Variants in PSMD12 observed in about 807,000 individuals in gnomAD.
PSMD12 encodes proteasome 26S subunit, non-ATPase 12.
A neutral mutation model predicts 62.9 loss-of-function variants in PSMD12; 8 were observed. That is an observed-to-expected ratio of 0.13 (90% CI 0.07 to 0.23). The LOEUF (loss-of-function observed/expected upper bound fraction) is 0.23, where lower values mean the gene tolerates loss of function less well. Among genes scored for constraint, PSMD12 ranks in the 10% least tolerant of loss-of-function variants. The pLI, the probability that PSMD12 is intolerant of heterozygous loss-of-function variation, is 1.00. For missense variants in PSMD12, 424 were observed against 550.2 expected, an observed-to-expected ratio of 0.77 and a Z score of 2.29; for synonymous variants, 173 against 187.4, an observed-to-expected ratio of 0.92 and a Z score of 0.63.
At chr17:67,363,973 C>T (rs1381963366) in intron 1 of PSMD12, among the ~76,000 whole-genome samples, 2 of 152,010 alleles carry the variant, frequency 1.3e-5, no homozygotes, top group South Asian at 2.1e-4. Flanking sequence ...CGCTTGAAAC[C>T]GGGAGGTGGA....
intron 1 of PSMD12, among the ~76,000 whole-genome samples, chr17:67,361,600 A>G (rs2042128306): frequency 6.6e-6 from 1 of 152,108 alleles, no homozygotes; most frequent in Admixed American, 6.6e-5. Flanking sequence ...GTCACCACAA[A>G]TAGTTGAAAT....
intron 4 of PSMD12, among the ~76,000 whole-genome samples, chr17:67,349,211 G>GT (rs1328687756): frequency 2.0e-5 from 3 of 152,118 alleles, no homozygotes; most frequent in Non-Finnish European, 2.9e-5. Context: ...TAGAGAGGGT[G>GT]TTTCTCCATG....
chr17:67,347,551 AAT>A, intron 5 of PSMD12, 66 bp from the exon 6 acceptor site: 1 of 1,424,914 alleles, frequency 7.0e-7, no homozygotes, highest in Non-Finnish European at 9.5e-7. Context: ...AATAAAATGA[AAT>A]AGATATTAAA....
intron 3 of PSMD12, among the ~76,000 whole-genome samples, chr17:67,352,450 A>ATTAT (rs1462479683): frequency 1.3e-5 from 2 of 152,196 alleles, no homozygotes; most frequent in Non-Finnish European, 2.9e-5. Flanking sequence ...TCTTTCAATA[A>ATTAT]GTTCAAGGCC....
chr17:67,348,676 A>C (rs767815766), intron 4 of PSMD12, 22 bp from the exon 5 acceptor site: 108 of 1,591,400 alleles, frequency 6.8e-5, no homozygotes, highest in Middle Eastern at 1.7e-4. Flanking sequence ...AAATTTACAC[A>C]ATCAAAATTC....
chr17:67,356,589 A>T (rs2042076706), intron 3 of PSMD12, among the ~76,000 whole-genome samples: 1 of 148,102 alleles, frequency 6.8e-6, no homozygotes, highest in Admixed American at 6.7e-5. Context: ...AAAAAAAAGA[A>T]AATGAAATAT....
chr17:67,358,567 CAA>C (rs398039153), intron 1 of PSMD12, among the ~76,000 whole-genome samples: 253 of 74,044 alleles, frequency 3.4e-3, no homozygotes, highest in East Asian at 9.2e-3. Flanking sequence ...GAACCTGTCT[CAA>C]AAAAAAAAAA....
At chr17:67,344,905 A>C (rs901851618) in intron 8 of PSMD12, 125 bp from the exon 9 acceptor site, 3 of 770,086 alleles carry the variant, frequency 3.9e-6, no homozygotes, top group Non-Finnish European at 6.0e-6. Flanking sequence ...AGAATGAGAC[A>C]CCATATGATT....
chr17:67,361,762 C>A (rs2042129909), intron 1 of PSMD12, among the ~76,000 whole-genome samples: 1 of 150,490 alleles, frequency 6.6e-6, no homozygotes. Context: ...CTGAAGGTGA[C>A]CAAAAGAAAT....
At chr17:67,361,745 T>C (rs1474505709) in intron 1 of PSMD12, among the ~76,000 whole-genome samples, 1 of 151,630 alleles carries the variant, frequency 6.6e-6, no homozygotes, top group East Asian at 1.9e-4. Flanking sequence ...ACATTAACCA[T>C]AAGAGGCTGA....
intron 3 of PSMD12, among the ~76,000 whole-genome samples, chr17:67,353,988 G>A (rs886429114): frequency 5.3e-5 from 8 of 150,470 alleles, no homozygotes; most frequent in African/African-American, 2.0e-4. Context: ...TGTTAAAGAT[G>A]TGCTATGATT....
chr17:67,346,339 G>A (rs2041966078), intron 7 of PSMD12, among the ~76,000 whole-genome samples: 2 of 151,622 alleles, frequency 1.3e-5, no homozygotes, highest in African/African-American at 4.8e-5. Flanking sequence ...AGCTTGCAGT[G>A]AGCCGAGATT....
Position 67,344,694 on chromosome 17 carries a change from G to C in PSMD12, c.995C>G (p.Ser332Cys). Residue 332 changes from serine to cysteine, a missense_variant, in exon 9 of 11, where the codon TCC (serine) becomes TGC (cysteine). Coordinates refer to ENST00000356126, the MANE Select transcript of PSMD12 (RefSeq NM_002816.5). ...AACATCCGTTGCAGGACTCTCAAGG[G>C]AACCTTTTCTTAATTCCATTCCATA... ...EDYGMELRKG[S>C]LESPATDVFG... 2.5e-6 allele frequency: 4 copies of C among 1,613,762 alleles called. No individual in the cohort carries two copies. Among genetic ancestry groups the C allele is most frequent in the Non-Finnish European group, 3.4e-6 (4 of 1,179,792 alleles).
rs192403932 is a variant in PSMD12 at position 67,338,564 on chromosome 17, G to A, written c.*2279C>T. The A allele has an allele frequency of 2.0e-5, 3 of 152,314 alleles. No homozygotes were observed. The highest frequency in any genetic ancestry group is 4.4e-5 in the Non-Finnish European group (3 of 68,050). The allele number at this position is 152,314 out of a possible 1,614,324, so 9.4% of individuals were successfully genotyped here. On this transcript the variant is annotated 3_prime_UTR_variant, in exon 11 of 11. Coordinates refer to ENST00000356126, the MANE Select transcript of PSMD12 (RefSeq NM_002816.5). ...AGCCTAGTGTGTGTTAAAGAAAGACGAAAGAGGAGTTGGGTGCAGTGGCTC... is the reference window on the plus strand; with the variant it reads ...AGCCTAGTGTGTGTTAAAGAAAGACAAAAGAGGAGTTGGGTGCAGTGGCTC...
intron 3 of PSMD12, among the ~76,000 whole-genome samples, chr17:67,356,008 A>ACG (rs1037348793): frequency 8.3e-6 from 1 of 120,788 alleles, no homozygotes; most frequent in Non-Finnish European, 1.8e-5. Context: ...ACACACACAC[A>ACG]CGCACACACA....
intron 4 of PSMD12, among the ~76,000 whole-genome samples, chr17:67,349,852 A>G (rs1186863602): frequency 6.6e-6 from 1 of 152,216 alleles, no homozygotes; most frequent in African/African-American, 2.4e-5. Context: ...CAAACCAATT[A>G]CAGCTTCCTA....
rs1160352911 is a variant in PSMD12, at chr17:67,338,819, T to A, written c.*2024A>T. 1.3e-5 allele frequency: 2 copies of A among 151,892 alleles called. No individual in the cohort carries two copies. Among genetic ancestry groups the A allele is most frequent in the Non-Finnish European group, 2.9e-5 (2 of 68,018 alleles). The allele number at this position is 151,892 out of a possible 1,614,324, so 9.4% of individuals were successfully genotyped here. On this transcript the variant is annotated 3_prime_UTR_variant, in exon 11 of 11. Coordinates refer to ENST00000356126, the MANE Select transcript of PSMD12 (RefSeq NM_002816.5). ...GTGAGCCGAGATCGTGACACTGCAATCCAGCCTGGGCAACAAGAGTGAAAC... is the reference window on the plus strand; with the variant it reads ...GTGAGCCGAGATCGTGACACTGCAAACCAGCCTGGGCAACAAGAGTGAAAC...
intron 1 of PSMD12, among the ~76,000 whole-genome samples, chr17:67,359,688 C>G (rs1185244334): frequency 6.6e-6 from 1 of 152,124 alleles, no homozygotes; most frequent in African/African-American, 2.4e-5. Context: ...CATGGCCCGT[C>G]TGAACTTATT....
intron 5 of PSMD12, among the ~76,000 whole-genome samples, chr17:67,348,061 A>G (rs1288945183): frequency 1.3e-5 from 2 of 152,200 alleles, no homozygotes; most frequent in Non-Finnish European, 2.9e-5. Flanking sequence ...TTTTACTATC[A>G]CAAATAAAGC....
Sources: allele counts gnomAD v4.1 joint callset (sites outside exome capture counted in the v4.1 genomes callset), GRCh38; gene constraint gnomAD v4.1.1; transcripts MANE v1.5; gene names NCBI Gene and HGNC (gene_info 2026-07-23, HGNC 2026-07-21).